SGK1: variants seen among roughly 807,000 people sequenced by gnomAD.
SGK1 encodes the protein serum/glucocorticoid regulated kinase 1, also known as serine/threonine-protein kinase Sgk1.
In SGK1, 26 loss-of-function variants were observed where a neutral mutation model predicts 64.2. The ratio of observed to expected loss-of-function variants is 0.40; its 90% CI spans 0.30 to 0.56. The LOEUF (loss-of-function observed/expected upper bound fraction) is 0.56. SGK1 is among the 20% of genes least tolerant of loss of function. SGK1 has a pLI of 0.38. For missense variants in SGK1, 519 were observed against 645.6 expected (o/e 0.80, Z 2.12); for synonymous variants, 265 against 239.7 (o/e 1.11, Z -0.98).
intron 2 of SGK1, among the ~76,000 whole-genome samples, chr6:134,248,127 G>A (rs138599228): frequency 8.6e-5 from 13 of 151,904 alleles, no homozygotes; most frequent in Admixed American, 3.9e-4. Context: ...TTTTTCCCTC[G>A]TGTGTATCAT....
At chr6:134,219,589 T>C (rs547209649) in intron 2 of SGK1, among the ~76,000 whole-genome samples, 1 of 151,536 alleles carries the variant, frequency 6.6e-6, no homozygotes, top group East Asian at 2.0e-4. Context: ...GGAGAAATCC[T>C]GTCTCTACTA....
At chr6:134,230,955 A>G (rs1389249571) in intron 2 of SGK1, among the ~76,000 whole-genome samples, 1 of 152,200 alleles carries the variant, frequency 6.6e-6, no homozygotes, top group South Asian at 2.1e-4. Context: ...CAGAGGCTGT[A>G]GTGAGCCAAG....
At chr6:134,194,118 G>A (rs1377155862) in intron 3 of SGK1, among the ~76,000 whole-genome samples, 1 of 151,740 alleles carries the variant, frequency 6.6e-6, no homozygotes, top group African/African-American at 2.4e-5. Flanking sequence ...AACCTACAAA[G>A]ACATGAAGAG....
rs143451303 is a variant in SGK1, at chr6:134,269,549, T to C, written c.70-7401A>G. Among the ~76,000 whole-genome samples the C allele has an allele frequency of 6.2e-3, 909 of 145,574 alleles. 37 individuals are homozygous for C. The highest frequency in any genetic ancestry group is 0.021 in the African/African-American group (843 of 40,732). ...GGCGTCCACCTGTAATCCCAGCTAC[T>C]AGGGAGGCTGAGGCAGGAGAATCCC... On this transcript the variant is annotated intron_variant, in intron 1 of 13. Transcript: ENST00000367858.
At chr6:134,248,222 T>C (rs1776554390) in intron 2 of SGK1, among the ~76,000 whole-genome samples, 1 of 152,080 alleles carries the variant, frequency 6.6e-6, no homozygotes, top group South Asian at 2.1e-4. Flanking sequence ...GAAGGTCAGC[T>C]AGATTAACTT....
intron 3 of SGK1, chr6:134,175,421 A>G (rs1209657811): frequency 1.2e-5 from 16 of 1,302,442 alleles, no homozygotes; most frequent in South Asian, 8.2e-5. Flanking sequence ...CTCGCCCGCC[A>G]GGTCCTCCCG....
chr6:134,257,013 A>T (rs190991780), intron 2 of SGK1: 1 of 152,420 alleles, frequency 6.6e-6, no homozygotes, highest in Non-Finnish European at 1.5e-5. Context: ...CAACAACAAC[A>T]ACAAAGCAAC....
chr6:134,211,857 A>T (rs887375343), intron 2 of SGK1, among the ~76,000 whole-genome samples: 6 of 134,978 alleles, frequency 4.4e-5, no homozygotes, highest in Non-Finnish European at 6.2e-5. Flanking sequence ...CTGGCGAGAG[A>T]GCGAGATTCC....
chr6:134,257,671 CAT>C (rs1376649232), intron 2 of SGK1, among the ~76,000 whole-genome samples: 1 of 152,154 alleles, frequency 6.6e-6, no homozygotes, highest in African/African-American at 2.4e-5. Context: ...TGAGGCCTAT[CAT>C]ATGATGTTTG....
At chr6:134,248,550 C>T (rs1310249097) in intron 2 of SGK1, among the ~76,000 whole-genome samples, 1 of 147,210 alleles carries the variant, frequency 6.8e-6, no homozygotes, top group Non-Finnish European at 1.5e-5. Flanking sequence ...CTCCTGGGTT[C>T]AAGTGGTTCT....
At position 134,302,956 on chromosome 6, in the gene SGK1, T is replaced by C. The variant is rs940746150; in HGVS notation, c.69+14436A>G. ...TTTTAGTCGAGAAAGGGTTTCACCA[T>C]GTTGACCAGGCTGATCTCGAAATTC... On this transcript the variant is annotated intron_variant, in intron 1 of 13. Coordinates refer to ENST00000367858, the MANE Select transcript of SGK1 (RefSeq NM_001143676.3). Among the ~76,000 whole-genome samples, 52 of 152,040 alleles carry C rather than the reference T, an allele frequency of 3.4e-4. 1 individual carries two copies.
At position 134,268,546 on chromosome 6, in the gene SGK1, C is replaced by T. The variant is rs531656885; in HGVS notation, c.70-6398G>A. 5.1e-4 allele frequency among the ~76,000 whole-genome samples: 77 copies of T among 150,096 alleles called. 1 individual carries two copies. The highest frequency in any genetic ancestry group is 1.8e-3 in the African/African-American group (74 of 41,326). On this transcript the variant is annotated intron_variant, in intron 1 of 13. Transcript: ENST00000367858. ...GACCATCCTGGCTAACACGGTGAAA[C>T]CCCGTCTCTACTAAAAATACAAAAA...
chr6:134,302,859 A>C (rs1777478485), intron 1 of SGK1, among the ~76,000 whole-genome samples: 1 of 151,882 alleles, frequency 6.6e-6, no homozygotes, highest in Non-Finnish European at 1.5e-5. Flanking sequence ...GGTTCAAGCA[A>C]TTCTCCTGCC....
intron 1 of SGK1, among the ~76,000 whole-genome samples, chr6:134,304,597 C>G (rs1019271775): frequency 6.6e-6 from 1 of 152,020 alleles, no homozygotes; most frequent in Non-Finnish European, 1.5e-5. Context: ...TGCATTCCAG[C>G]CTGGGCAATA....
chr6:134,301,587 C>CTTCTCTTCTCTTCT (rs1777458784), intron 1 of SGK1, among the ~76,000 whole-genome samples: 2 of 85,468 alleles, frequency 2.3e-5, no homozygotes, highest in Admixed American at 1.4e-4. Context: ...TCTTCTCTTC[C>CTTCTCTTCTCTTCT]CTTCTCTTCT....
intron 2 of SGK1, among the ~76,000 whole-genome samples, chr6:134,231,973 A>G (rs1343091760): frequency 1.3e-5 from 2 of 149,110 alleles, no homozygotes; most frequent in Non-Finnish European, 3.0e-5. Flanking sequence ...TGGGAGGTGG[A>G]GGTTGCAGTA....
chr6:134,293,861 T>C (rs1472938030), intron 1 of SGK1, among the ~76,000 whole-genome samples: 3 of 152,166 alleles, frequency 2.0e-5, no homozygotes, highest in African/African-American at 7.2e-5. Flanking sequence ...GAAAGATAAA[T>C]GGCCACATCC....
chr6:134,175,177 TTTTCCA>T (rs1775189971), intron 3 of SGK1, among the ~76,000 whole-genome samples: 1 of 152,006 alleles, frequency 6.6e-6, no homozygotes, highest in Non-Finnish European at 1.5e-5. Context: ...CCCGGGGTAG[TTTTCCA>T]CCTCTCTCAT....
At chr6:134,293,254 A>G (rs941478234) in intron 1 of SGK1, among the ~76,000 whole-genome samples, 2 of 152,370 alleles carry the variant, frequency 1.3e-5, no homozygotes, top group East Asian at 3.9e-4. Context: ...ACAACTTACC[A>G]AGATAACATT....
Sources: gnomAD v4.1 joint callset for allele counts (sites outside exome capture counted in the v4.1 genomes callset) on GRCh38, gnomAD v4.1.1 for gene constraint, MANE v1.5 for transcripts, NCBI Gene and HGNC (gene_info 2026-07-23, HGNC 2026-07-21) for gene names.